Variants in SMYD1 observed in about 807,000 individuals in gnomAD.
SMYD1 encodes the protein histone-lysine N-methyltransferase SMYD1.
SMYD1 carries 49 observed loss-of-function variants against 54.0 expected under a neutral mutation model. That is an observed-to-expected ratio of 0.91 (90% CI 0.72 to 1.15). The LOEUF is 1.15. Among genes scored for constraint, SMYD1 ranks in the 50% most tolerant of loss-of-function variants. The pLI is 0.00. For missense variants in SMYD1, 653 were observed against 639.6 expected (o/e 1.02, Z -0.23); for synonymous variants, 269 against 234.2 (o/e 1.15, Z -1.36).
intron 1 of SMYD1, among the ~76,000 whole-genome samples, chr2:88,077,972 G>A (rs780605375): frequency 1.3e-5 from 2 of 152,116 alleles, no homozygotes; most frequent in African/African-American, 2.4e-5. Context: ...TGACCCACCC[G>A]CCTCGGCCTC....
chr2:88,084,571 T>A (rs1324387862), intron 2 of SMYD1, 79 bp downstream of exon 2: 2 of 1,390,048 alleles, frequency 1.4e-6, no homozygotes, highest in Non-Finnish European at 2.0e-6. Context: ...CATTCCCAGA[T>A]CTAAGGAAGC....
rs930774663 is a variant in SMYD1 at position 88,112,277 on chromosome 2, G to C, written c.*1765G>C. ...TGTCATTGTTATCTGCTAAGCCCCT[G>C]GTCATTTCCCCATATTCGTAGTCTT... On this transcript the variant is annotated 3_prime_UTR_variant, in exon 10 of 10. Coordinates refer to ENST00000419482, the MANE Select transcript of SMYD1 (RefSeq NM_198274.4). The C allele has an allele frequency of 9.5e-6, 6 of 633,954 alleles. No individual in the cohort carries two copies. In the African/African-American group the frequency reaches 1.1e-4, roughly 12 times the overall value. 39.3% of individuals were successfully genotyped at this position (633,954 alleles called of 1,614,324 possible).
chr2:88,091,741 G>A (rs1013144323), intron 4 of SMYD1, among the ~76,000 whole-genome samples: 7 of 152,142 alleles, frequency 4.6e-5, no homozygotes, highest in Non-Finnish European at 8.8e-5. Context: ...GTGTGTGCCT[G>A]CAGTCCCAGC....
Position 88,073,011 on chromosome 2 carries a change from G to C in SMYD1, c.137+5010G>C, listed in dbSNP as rs72941438. Among the ~76,000 whole-genome samples the C allele has an allele frequency of 3.1e-3, 471 of 152,236 alleles. 3 individuals are homozygous for C. Among genetic ancestry groups the C allele is most frequent in the African/African-American group, 0.011 (460 of 41,544 alleles). Reference sequence around the variant, plus strand: ...GGCTTCTAATAATCTGCTTGCCCAGGTAGTGAACATGGTACCCTATAGGTA... The same window carrying C: ...GGCTTCTAATAATCTGCTTGCCCAGCTAGTGAACATGGTACCCTATAGGTA... On this transcript the variant is annotated intron_variant, in intron 1 of 9. Transcript: ENST00000419482.
In SMYD1 at chr2:88,087,850, C is replaced by A; in HGVS notation, c.315-12C>A. 1 of 1,557,186 alleles carries A rather than the reference C, an allele frequency of 6.4e-7. No homozygotes were observed. The highest frequency in any genetic ancestry group is 8.7e-7 in the Non-Finnish European group (1 of 1,151,132). ...CAGCTGTAGTGGCCTCCTGACGCTG[C>A]CCTTCCCACAGGCTGGCGGCGCGCA... On this transcript the variant is annotated splice_polypyrimidine_tract_variant and intron_variant, in intron 2 of 9. Coordinates refer to ENST00000419482, the MANE Select transcript of SMYD1 (RefSeq NM_198274.4).
chr2:88,099,838 T>C, intron 6 of SMYD1, among the ~76,000 whole-genome samples: 1 of 91,668 alleles, frequency 1.1e-5, no homozygotes, highest in East Asian at 2.5e-4. Context: ...CCTTTTCCTC[T>C]GGCTTCTCCC....
At chr2:88,083,180 A>T (rs1003538440) in intron 1 of SMYD1, 1 of 152,118 alleles carries the variant, frequency 6.6e-6, no homozygotes. Flanking sequence ...GCTCCCCTGC[A>T]CATCACGGAA....
At chr2:88,074,237 C>T (rs933779301) in intron 1 of SMYD1, among the ~76,000 whole-genome samples, 5 of 152,238 alleles carry the variant, frequency 3.3e-5, no homozygotes, top group African/African-American at 7.2e-5. Flanking sequence ...AGTTTATTAT[C>T]TTATAGTTCT....
Position 88,112,165 on chromosome 2 carries a change from T to C in SMYD1, c.*1653T>C, listed in dbSNP as rs2104023188. 1.4e-6 allele frequency: 1 copy of C among 703,302 alleles called. No homozygotes were observed. The highest frequency in any genetic ancestry group is 2.6e-6 in the Non-Finnish European group (1 of 385,048). 43.6% of individuals were successfully genotyped at this position (703,302 alleles called of 1,614,324 possible). On this transcript the variant is annotated 3_prime_UTR_variant, in exon 10 of 10. Coordinates refer to ENST00000419482, the MANE Select transcript of SMYD1 (RefSeq NM_198274.4). ...TCACAGGCTTAGGGACGGCACTAAC[T>C]TTCTCCCAGGGATCTAACTGGCTAG...
chr2:88,084,784 C>G (rs539253346), intron 2 of SMYD1, among the ~76,000 whole-genome samples: 11 of 152,136 alleles, frequency 7.2e-5, no homozygotes, highest in Non-Finnish European at 1.5e-5. Context: ...AGGGTCTGCT[C>G]TGTTGCCCAG....
intron 4 of SMYD1, among the ~76,000 whole-genome samples, chr2:88,092,529 A>G (rs924531883): frequency 1.3e-5 from 2 of 152,242 alleles, no homozygotes; most frequent in Non-Finnish European, 2.9e-5. Flanking sequence ...TCAGCTGAGA[A>G]TCGGGCCTAA....
chr2:88,077,977 G>A (rs1320408270), intron 1 of SMYD1, among the ~76,000 whole-genome samples: 1 of 152,064 alleles, frequency 6.6e-6, no homozygotes, highest in African/African-American at 2.4e-5. Context: ...CACCCGCCTC[G>A]GCCTCCCAAA....
Position 88,110,730 on chromosome 2 carries a change from A to G in SMYD1, c.*218A>G, listed in dbSNP as rs1239644979. 3 of 506,956 alleles carry G rather than the reference A, an allele frequency of 5.9e-6. No homozygotes were observed. Among genetic ancestry groups the G allele is most frequent in the Admixed American group, 8.1e-5 (2 of 24,666 alleles). The allele number at this position is 506,956 out of a possible 1,614,324, so 31.4% of individuals were successfully genotyped here. A position where few individuals can be genotyped will look rare whatever the true frequency, so the allele number is the denominator to read the frequency against. ...AGCCCAGCCCAGATCAACTCCTCCTACAAATATTATTGGATGATAGGCCCT... is the reference window on the plus strand; with the variant it reads ...AGCCCAGCCCAGATCAACTCCTCCTGCAAATATTATTGGATGATAGGCCCT... On this transcript the variant is annotated 3_prime_UTR_variant, in exon 10 of 10. Transcript: ENST00000419482.
intron 1 of SMYD1, among the ~76,000 whole-genome samples, chr2:88,072,258 C>G (rs1056672944): frequency 6.6e-6 from 1 of 152,062 alleles, no homozygotes; most frequent in Non-Finnish European, 1.5e-5. Flanking sequence ...TCAAGTGATT[C>G]TCCTGCCTCA....
At chr2:88,092,932 A>C (rs1187038296) in intron 4 of SMYD1, among the ~76,000 whole-genome samples, 3 of 152,204 alleles carry the variant, frequency 2.0e-5, no homozygotes, top group African/African-American at 7.2e-5. Context: ...AATTTCTAGC[A>C]GCCACATTTT....
At chr2:88,068,666 T>G (rs1673884941) in intron 1 of SMYD1, among the ~76,000 whole-genome samples, 1 of 151,404 alleles carries the variant, frequency 6.6e-6, no homozygotes, top group African/African-American at 2.4e-5. Context: ...ATTTTAGAAC[T>G]CACTCTTTTC....
At position 88,111,900 on chromosome 2, in the gene SMYD1, A is replaced by C. The variant is rs1451536379; in HGVS notation, c.*1388A>C. The C allele has an allele frequency of 1.6e-6, 1 of 613,644 alleles. No individual in the cohort carries two copies. The highest frequency in any genetic ancestry group is 2.9e-6 in the Non-Finnish European group (1 of 339,580). 38.0% of individuals were successfully genotyped at this position (613,644 alleles called of 1,614,324 possible). ...CATTGACCTCAGAGCTGTACCCCAC[A>C]TCTTGAAGTAAATTGATCCCACCAG... On this transcript the variant is annotated 3_prime_UTR_variant, in exon 10 of 10. Transcript: ENST00000419482.
At chr2:88,107,489 G>C (rs998326220) in intron 8 of SMYD1, among the ~76,000 whole-genome samples, 13 of 152,150 alleles carry the variant, frequency 8.5e-5, no homozygotes, top group African/African-American at 2.9e-4. Context: ...TTGGGGAGAC[G>C]TCTGAGGTAC....
chr2:88,093,665 C>G (rs535012109), intron 5 of SMYD1, 110 bp downstream of exon 5: 2 of 1,181,306 alleles, frequency 1.7e-6, no homozygotes, highest in African/African-American at 1.5e-5. Context: ...CTGTCCATAA[C>G]GTCCTTCTGC....
Sources: allele counts gnomAD v4.1 joint callset (sites outside exome capture counted in the v4.1 genomes callset), GRCh38; gene constraint gnomAD v4.1.1; transcripts MANE v1.5; gene names NCBI Gene and HGNC (gene_info 2026-07-23, HGNC 2026-07-21).